The following RNLS variants were observed in gnomAD, a reference collection of about 807,000 sequenced individuals.
The protein encoded by RNLS is renalase.
Under a neutral mutation model 39.8 loss-of-function variants are expected in RNLS, and 39 were observed. The ratio of observed to expected loss-of-function variants is 0.98; its 90% confidence interval spans 0.76 to 1.28. The LOEUF (loss-of-function observed/expected upper bound fraction) is 1.28. RNLS is among the 50% of genes most tolerant of loss of function. The pLI, the probability that RNLS is intolerant of heterozygous loss-of-function variation, is 0.00. For missense variants in RNLS, 410 were observed against 413.3 expected (o/e 0.99, Z 0.07); for synonymous variants, 147 against 150.7 (o/e 0.98, Z 0.18).
the RNLS span, among the ~76,000 whole-genome samples, chr10:88,177,754 G>T: frequency 1.3e-5 from 2 of 152,172 alleles, no homozygotes; most frequent in Non-Finnish European, 2.9e-5. Flanking sequence ...ACTTTTTCCT[G>T]TAGTGTTCTA....
At chr10:88,364,336 G>A (rs1849878662) in intron 4 of RNLS, among the ~76,000 whole-genome samples, 1 of 151,974 alleles carries the variant, frequency 6.6e-6, no homozygotes, top group African/African-American at 2.4e-5. Flanking sequence ...GGCAGGAAAG[G>A]GATTCAATAA....
chr10:88,226,217 G>C, the RNLS span, among the ~76,000 whole-genome samples: 4 of 152,118 alleles, frequency 2.6e-5, no homozygotes, highest in African/African-American at 9.7e-5. Flanking sequence ...ACATCAAAAT[G>C]GACATTTTTA....
chr10:88,316,801 G>C (rs1220753443), intron 5 of RNLS, among the ~76,000 whole-genome samples: 3 of 152,124 alleles, frequency 2.0e-5, no homozygotes, highest in African/African-American at 7.2e-5. Context: ...ATTTTTATTT[G>C]AATTGTACAT....
At chr10:88,517,533 T>C (rs528599548) in intron 4 of RNLS, among the ~76,000 whole-genome samples, 1 of 152,052 alleles carries the variant, frequency 6.6e-6, no homozygotes, top group East Asian at 1.9e-4. Flanking sequence ...TAATATGAAC[T>C]GAGAAAAATG....
intron 4 of RNLS, among the ~76,000 whole-genome samples, chr10:88,544,362 C>T (rs1490691477): frequency 6.6e-6 from 1 of 152,156 alleles, no homozygotes; most frequent in Non-Finnish European, 1.5e-5. Flanking sequence ...GAGATAAATG[C>T]ACTCTTCCTC....
chr10:88,410,695 T>C (rs1853598651), intron 4 of RNLS, among the ~76,000 whole-genome samples: 1 of 149,952 alleles, frequency 6.7e-6, no homozygotes, highest in Admixed American at 6.7e-5. Context: ...TTTGTCATCT[T>C]GTGAACCTGA....
intron 5 of RNLS, among the ~76,000 whole-genome samples, chr10:88,333,151 C>A (rs531341208): frequency 1.3e-5 from 2 of 151,932 alleles, no homozygotes; most frequent in African/African-American, 4.8e-5. Flanking sequence ...ATTCTTTGGA[C>A]GAATATATTT....
intron 6 of RNLS, among the ~76,000 whole-genome samples, chr10:88,286,083 TTC>T (rs953749191): frequency 2.6e-5 from 4 of 152,030 alleles, no homozygotes; most frequent in Non-Finnish European, 5.9e-5. Flanking sequence ...AGAAAGAAAT[TTC>T]TGTTTATCAG....
At chr10:88,329,633 G>T (rs994883867) in intron 5 of RNLS, among the ~76,000 whole-genome samples, 2 of 150,584 alleles carry the variant, frequency 1.3e-5, no homozygotes, top group African/African-American at 4.9e-5. Context: ...TTCTAATTAG[G>T]GATATACTAG....
intron 4 of RNLS, among the ~76,000 whole-genome samples, chr10:88,526,812 TG>T (rs1385134492): frequency 3.3e-5 from 5 of 150,964 alleles, no homozygotes; most frequent in African/African-American, 1.2e-4. Context: ...AAAAGATAAC[TG>T]CCCTTCACTA....
intron 5 of RNLS, chr10:88,343,572 T>C: frequency 1.0e-6 from 1 of 985,236 alleles, no homozygotes; most frequent in Non-Finnish European, 1.2e-6. Context: ...ATATTCTGAA[T>C]TCTACTTTCT....
intron 4 of RNLS, among the ~76,000 whole-genome samples, chr10:88,379,799 C>A (rs753294810): frequency 1.3e-5 from 2 of 152,124 alleles, no homozygotes; most frequent in Non-Finnish European, 2.9e-5. Flanking sequence ...GGAACCCAGC[C>A]ATCATGTTGT....
chr10:88,225,142 C>T, the RNLS span, among the ~76,000 whole-genome samples: 2 of 152,202 alleles, frequency 1.3e-5, no homozygotes, highest in African/African-American at 4.8e-5. Flanking sequence ...TCTACACCCA[C>T]TAAATAAGGT....
the RNLS span, among the ~76,000 whole-genome samples, chr10:88,260,721 C>T: frequency 6.6e-6 from 1 of 152,184 alleles, no homozygotes; most frequent in Admixed American, 6.5e-5. Context: ...GCTTTACCAA[C>T]TCATTGATAC....
chr10:88,420,290 G>A (rs991412408), intron 4 of RNLS, among the ~76,000 whole-genome samples: 15 of 152,032 alleles, frequency 9.9e-5, no homozygotes, highest in South Asian at 4.1e-4. Context: ...CTGTTAAGAC[G>A]TACAGTCCAT....
intron 4 of RNLS, among the ~76,000 whole-genome samples, chr10:88,435,712 A>G (rs1240312382): frequency 6.6e-6 from 1 of 152,172 alleles, no homozygotes; most frequent in Non-Finnish European, 1.5e-5. Flanking sequence ...ATTCAGGCAC[A>G]AAGTGGAGAT....
intron 4 of RNLS, among the ~76,000 whole-genome samples, chr10:88,474,696 A>G (rs1843710885): frequency 6.6e-6 from 1 of 152,176 alleles, no homozygotes; most frequent in African/African-American, 2.4e-5. Context: ...GTCTCTGTGT[A>G]GCAAATTGCT....
intron 4 of RNLS, among the ~76,000 whole-genome samples, chr10:88,396,773 G>T (rs1237564922): frequency 6.8e-6 from 1 of 148,106 alleles, no homozygotes; most frequent in African/African-American, 2.5e-5. Flanking sequence ...CTAGGTTGAA[G>T]GTAAAAGGTT....
intron 4 of RNLS, among the ~76,000 whole-genome samples, chr10:88,500,509 T>C (rs1162750608): frequency 6.6e-6 from 1 of 152,158 alleles, no homozygotes; most frequent in Non-Finnish European, 1.5e-5. Flanking sequence ...CCTGGATTTT[T>C]TAGTTGCATT....
Sources: allele counts gnomAD v4.1 joint callset (sites outside exome capture counted in the v4.1 genomes callset), GRCh38; gene constraint gnomAD v4.1.1; transcripts MANE v1.5; gene names NCBI Gene and HGNC (gene_info 2026-07-23, HGNC 2026-07-21).